The following GALNT17 variants were observed in gnomAD, a reference collection of about 807,000 sequenced individuals.
GALNT17 encodes the protein UDP-GalNAc:polypeptide N-acetylgalactosaminyltransferase-like 3.
GALNT17 carries 29 observed loss-of-function variants against 63.7 expected under a neutral mutation model. That is an observed-to-expected ratio of 0.46 (90% confidence interval 0.34 to 0.62). GALNT17 has a LOEUF of 0.62. Among genes scored for constraint, GALNT17 ranks in the 20% least tolerant of loss-of-function variants. The pLI, the probability that GALNT17 is intolerant of heterozygous loss-of-function variation, is 0.01. For synonymous variants in GALNT17, 305 were observed against 318.3 expected (o/e 0.96, Z 0.45); for missense variants, 603 against 799.6 (o/e 0.75, Z 2.97).
Position 71,710,778 on chromosome 7 carries a change from G to C in GALNT17, c.1518G>C (p.Lys506Asn). 6.2e-7 allele frequency: 1 copy of C among 1,612,280 alleles called. No homozygotes were observed. Among genetic ancestry groups the C allele is most frequent in the Non-Finnish European group, 8.5e-7 (1 of 1,179,706 alleles). ...CTCGACAGCTTGCCCGCTACACCAA[G>C]GAAGGCTTCCTGCACTTGGGTGCCC... ...GWGPQLARYT[K>N]EGFLHLGALG... Residue 506 changes from lysine to asparagine, a missense_variant, in exon 10 of 11, where the codon AAG becomes AAC. Lys to Asn is a moderately conservative substitution (Grantham distance 94). This residue lies in a region of GALNT17 where 336 missense variants were observed against 507.8 expected (regional missense o/e 0.66). Coordinates refer to ENST00000333538, the MANE Select transcript of GALNT17 (RefSeq NM_022479.3).
In GALNT17 at chr7:71,458,313, G is replaced by A. The variant is rs534861295; in HGVS notation, c.962+37208G>A. ...CACCCCCCTTGCAGGATGTGCTGCA[G>A]GGGCATGGCTTGTCTGTTCGCCACC... On this transcript the variant is annotated intron_variant, in intron 5 of 10. Coordinates refer to ENST00000333538, the MANE Select transcript of GALNT17 (RefSeq NM_022479.3). 8.8e-4 allele frequency among the ~76,000 whole-genome samples: 134 copies of A among 152,300 alleles called. 1 individual carries two copies. The highest frequency in any genetic ancestry group is 3.7e-4 in the Non-Finnish European group (25 of 68,016).
chr7:71,587,016 C>T (rs1344698545), intron 6 of GALNT17, among the ~76,000 whole-genome samples: 1 of 152,054 alleles, frequency 6.6e-6, no homozygotes, highest in Non-Finnish European at 1.5e-5. Context: ...TTTCTCCTCT[C>T]TACCTTTTTT....
chr7:71,472,686 AAAACT>A (rs565689948), intron 5 of GALNT17, among the ~76,000 whole-genome samples: 64 of 152,182 alleles, frequency 4.2e-4, no homozygotes, highest in Admixed American at 1.2e-3. Flanking sequence ...CTTTGTCTCA[AAAACT>A]AAACTAAACT....
chr7:71,613,277 A>G (rs538718210), intron 6 of GALNT17, among the ~76,000 whole-genome samples: 2 of 152,310 alleles, frequency 1.3e-5, no homozygotes, highest in East Asian at 3.9e-4. Context: ...CAAAAGGTAG[A>G]TGATTTACTT....
chr7:71,542,093 G>A (rs186408650), intron 5 of GALNT17, among the ~76,000 whole-genome samples: 2 of 152,268 alleles, frequency 1.3e-5, no homozygotes, highest in Admixed American at 6.5e-5. Flanking sequence ...CAGGGGAACC[G>A]GATCGTGCAG....
intron 1 of GALNT17, among the ~76,000 whole-genome samples, chr7:71,325,123 A>G (rs996722132): frequency 2.0e-4 from 30 of 152,338 alleles, no homozygotes; most frequent in Admixed American, 1.1e-3. Context: ...TGGCTCCTCA[A>G]ACCCCCAGGA....
chr7:71,462,582 C>T (rs981398752), intron 5 of GALNT17, among the ~76,000 whole-genome samples: 3 of 152,252 alleles, frequency 2.0e-5, no homozygotes, highest in Admixed American at 1.3e-4. Context: ...TTTATACATT[C>T]TAGGGAGACG....
At position 71,261,152 on chromosome 7, in the gene GALNT17, G is replaced by C. The variant is rs546357528; in HGVS notation, c.239-74398G>C. ...AAAATCTGGGTGGGGTCAGGCACTA[G>C]AGGTCTTTAAAGTTGCCTGGATGGT... On this transcript the variant is annotated intron_variant, in intron 1 of 10. Transcript: ENST00000333538. 2.0e-5 allele frequency among the ~76,000 whole-genome samples: 3 copies of C among 152,256 alleles called. No homozygotes were observed. The South Asian group carries it at 6.2e-4, about 32-fold the overall frequency.
chr7:71,471,385 G>A (rs1173707063), intron 5 of GALNT17, among the ~76,000 whole-genome samples: 1 of 127,432 alleles, frequency 7.8e-6, no homozygotes, highest in Non-Finnish European at 1.6e-5. Context: ...GCTGAGCTCA[G>A]CATTTTTTTT....
intron 1 of GALNT17, among the ~76,000 whole-genome samples, chr7:71,320,487 G>A (rs1320995688): frequency 1.3e-5 from 2 of 152,046 alleles, no homozygotes; most frequent in Non-Finnish European, 2.9e-5. Flanking sequence ...CTAGGCTCAG[G>A]CAGTCCTCCT....
rs547638443 is a variant in GALNT17, at chr7:71,162,404, T to TCATC, written c.238+29392_238+29395dup. 5.1e-3 allele frequency among the ~76,000 whole-genome samples: 761 copies of TCATC among 149,446 alleles called. 5 individuals are homozygous for TCATC. The highest frequency in any genetic ancestry group is 0.016 in the East Asian group (80 of 5,158). On this transcript the variant is annotated intron_variant, in intron 1 of 10. Coordinates refer to ENST00000333538, the MANE Select transcript of GALNT17 (RefSeq NM_022479.3). ...TGATATTGCTGTGTATGAATTGAGT[T>TCATC]CATCCATCCATCCATCCATCCATCC... is the stretch of plus-strand genomic sequence containing the variant.
chr7:71,449,450 T>C (rs1367930543), intron 5 of GALNT17, among the ~76,000 whole-genome samples: 3 of 152,204 alleles, frequency 2.0e-5, no homozygotes, highest in Admixed American at 2.0e-4. Context: ...TTTGCCTCTT[T>C]ATTTCCTATC....
chr7:71,303,005 T>C (rs1185322137), intron 1 of GALNT17, among the ~76,000 whole-genome samples: 2 of 152,046 alleles, frequency 1.3e-5, no homozygotes, highest in African/African-American at 2.4e-5. Context: ...GCTGGGACTA[T>C]AGGCACGTGC....
At chr7:71,350,890 C>T (rs1792176886) in intron 2 of GALNT17, among the ~76,000 whole-genome samples, 1 of 152,210 alleles carries the variant, frequency 6.6e-6, no homozygotes, top group South Asian at 2.1e-4. Context: ...CCTGTAATCC[C>T]AGCACTTTGG....
chr7:71,619,325 G>A (rs1007203874), intron 6 of GALNT17, among the ~76,000 whole-genome samples: 3 of 152,164 alleles, frequency 2.0e-5, no homozygotes, highest in Admixed American at 1.3e-4. Flanking sequence ...CTGATTCCGT[G>A]AAGAATGACA....
intron 2 of GALNT17, among the ~76,000 whole-genome samples, chr7:71,383,204 C>G (rs1450740051): frequency 6.6e-6 from 1 of 152,148 alleles, no homozygotes; most frequent in African/African-American, 2.4e-5. Context: ...GGATAACATT[C>G]CATTTTATAT....
At chr7:71,177,766 C>T (rs904624207) in intron 1 of GALNT17, among the ~76,000 whole-genome samples, 10 of 151,948 alleles carry the variant, frequency 6.6e-5, no homozygotes, top group East Asian at 2.0e-4. Context: ...ACGTTATTTA[C>T]TTTTATGTCT....
rs370449187 is a variant in GALNT17 at position 71,608,373 on chromosome 7, A to G, written c.1080+36971A>G. Among the ~76,000 whole-genome samples the G allele has an allele frequency of 4.3e-4, 66 of 152,174 alleles. No individual in the cohort carries two copies. The South Asian group carries it at 1.0e-2, about 23-fold the overall frequency. ...TCTACCAGGGGTTGGGGGAGGGGGA[A>G]GGGACAGGACTTGGGTTGGGATGGA... On this transcript the variant is annotated intron_variant, in intron 6 of 10. Transcript: ENST00000333538.
chr7:71,270,504 G>A (rs1054948065), intron 1 of GALNT17, among the ~76,000 whole-genome samples: 5 of 135,610 alleles, frequency 3.7e-5, no homozygotes, highest in African/African-American at 1.1e-4. Flanking sequence ...CAGCCTGGGC[G>A]ACAGTGCGAG....
Sources: allele counts gnomAD v4.1 joint callset (sites outside exome capture counted in the v4.1 genomes callset), GRCh38; gene constraint gnomAD v4.1.1; regional missense constraint gnomAD v4.1.1; transcripts MANE v1.5; gene names NCBI Gene and HGNC (gene_info 2026-07-23, HGNC 2026-07-21).